Variants in RCAN2 observed in about 807,000 individuals in gnomAD.
RCAN2 encodes the protein calcipressin-2.
RCAN2 carries 9 observed loss-of-function variants against 23.6 expected under a neutral mutation model. The observed-to-expected ratio is 0.38, with a 90% CI of 0.23 to 0.67. The LOEUF (loss-of-function observed/expected upper bound fraction) is 0.67. Among genes scored for constraint, RCAN2 ranks in the 30% least tolerant of loss-of-function variants. RCAN2 has a pLI of 0.51. For synonymous variants in RCAN2, 109 were observed against 115.7 expected (o/e 0.94, Z 0.37); for missense variants, 273 against 302.3 (o/e 0.90, Z 0.72).
intron 2 of RCAN2, among the ~76,000 whole-genome samples, chr6:46,445,280 G>T (rs1365088784): frequency 6.6e-6 from 1 of 152,102 alleles, no homozygotes; most frequent in Non-Finnish European, 1.5e-5. Flanking sequence ...TATCCCAGTA[G>T]ATCCAGGCTC....
chr6:46,289,767 T>C (rs1451323531), intron 2 of RCAN2, among the ~76,000 whole-genome samples: 2 of 152,212 alleles, frequency 1.3e-5, no homozygotes, highest in Non-Finnish European at 2.9e-5. Flanking sequence ...ACACCCTGCA[T>C]CAATTCTTCC....
chr6:46,316,933 C>G (rs1763459613), intron 2 of RCAN2, among the ~76,000 whole-genome samples: 1 of 152,156 alleles, frequency 6.6e-6, no homozygotes, highest in Admixed American at 6.5e-5. Context: ...CAAGTTTTCC[C>G]ATTATGAGTT....
chr6:46,396,811 A>T (rs1447554997), intron 2 of RCAN2, among the ~76,000 whole-genome samples: 1 of 152,132 alleles, frequency 6.6e-6, no homozygotes, highest in East Asian at 1.9e-4. Context: ...TTGATATCCA[A>T]ATAGTAAATA....
intron 2 of RCAN2, among the ~76,000 whole-genome samples, chr6:46,296,097 GTGTGTGTC>G (rs1762722635): frequency 6.7e-6 from 1 of 150,022 alleles, no homozygotes; most frequent in African/African-American, 2.5e-5. Context: ...GTGTGTGTGT[GTGTGTGTC>G]TGTGTGTGTG....
At chr6:46,356,890 G>A (rs764583785) in intron 2 of RCAN2, among the ~76,000 whole-genome samples, 1 of 152,164 alleles carries the variant, frequency 6.6e-6, no homozygotes, top group Non-Finnish European at 1.5e-5. Context: ...AAGTTCCAAG[G>A]GGGCTAAAGG....
chr6:46,438,365 G>C (rs955721357), intron 2 of RCAN2: 1 of 152,358 alleles, frequency 6.6e-6, no homozygotes, highest in Admixed American at 6.5e-5. Context: ...AGGTGACCAA[G>C]AGCATAAGCC....
At chr6:46,443,265 G>T (rs1202497552) in intron 2 of RCAN2, among the ~76,000 whole-genome samples, 1 of 151,990 alleles carries the variant, frequency 6.6e-6, no homozygotes, top group East Asian at 1.9e-4. Context: ...CCACCCTCAA[G>T]TTCCTATAGT....
chr6:46,341,527 G>A (rs1469896085), intron 2 of RCAN2, among the ~76,000 whole-genome samples: 2 of 152,186 alleles, frequency 1.3e-5, no homozygotes, highest in South Asian at 2.1e-4. Context: ...GGCCGGGGGC[G>A]GTGGCTCCTG....
intron 4 of RCAN2, among the ~76,000 whole-genome samples, chr6:46,238,196 A>C (rs1339344799): frequency 2.0e-5 from 3 of 152,162 alleles, no homozygotes; most frequent in Non-Finnish European, 4.4e-5. Context: ...GAAGGCATAG[A>C]GGAGTGAGGA....
At chr6:46,405,085 A>C (rs1766359173) in intron 2 of RCAN2, among the ~76,000 whole-genome samples, 1 of 152,224 alleles carries the variant, frequency 6.6e-6, no homozygotes, top group African/African-American at 2.4e-5. Flanking sequence ...ACCGACTTCA[A>C]GAATGAAGCC....
chr6:46,374,978 C>T (rs1434359014), intron 2 of RCAN2, among the ~76,000 whole-genome samples: 2 of 152,164 alleles, frequency 1.3e-5, no homozygotes, highest in African/African-American at 2.4e-5. Flanking sequence ...ATGATCTCGG[C>T]TCACTGCAAC....
At chr6:46,391,621 ATCATGAACATGGC>A (rs1765941997) in intron 2 of RCAN2, among the ~76,000 whole-genome samples, 1 of 152,218 alleles carries the variant, frequency 6.6e-6, no homozygotes, top group Non-Finnish European at 1.5e-5. Flanking sequence ...AACTAGCAAT[ATCATGAACATGGC>A]TCTTATTCTA....
intron 2 of RCAN2, among the ~76,000 whole-genome samples, chr6:46,432,967 AT>A (rs1164855772): frequency 1.3e-5 from 2 of 152,160 alleles, no homozygotes; most frequent in Non-Finnish European, 2.9e-5. Flanking sequence ...CTTTAAGTAC[AT>A]TATTATTTTA....
At chr6:46,223,931 C>T (rs528448497) in intron 4 of RCAN2, among the ~76,000 whole-genome samples, 3 of 152,310 alleles carry the variant, frequency 2.0e-5, no homozygotes, top group African/African-American at 7.2e-5. Flanking sequence ...CTTTCTGTTG[C>T]TTCATTAGAT....
chr6:46,412,320 GT>G (rs982266932), intron 2 of RCAN2, among the ~76,000 whole-genome samples: 3 of 152,136 alleles, frequency 2.0e-5, no homozygotes, highest in African/African-American at 7.2e-5. Flanking sequence ...TCCTTATTAA[GT>G]TTGAGAAGAA....
intron 2 of RCAN2, among the ~76,000 whole-genome samples, chr6:46,369,091 T>A (rs1170238212): frequency 6.6e-6 from 1 of 152,140 alleles, no homozygotes; most frequent in African/African-American, 2.4e-5. Context: ...ACTATTGAAA[T>A]TTTTAGCTAA....
intron 1 of RCAN2, among the ~76,000 whole-genome samples, chr6:46,489,157 G>C (rs1769071042): frequency 6.6e-6 from 1 of 152,084 alleles, no homozygotes; most frequent in Non-Finnish European, 1.5e-5. Flanking sequence ...CTTCAGTGTG[G>C]AATACCCAGC....
chr6:46,297,341 A>G (rs925021432), intron 2 of RCAN2, among the ~76,000 whole-genome samples: 104 of 152,274 alleles, frequency 6.8e-4, no homozygotes, highest in African/African-American at 2.4e-3. Flanking sequence ...ATACTCTCAA[A>G]AAGCGAATAA....
At chr6:46,387,788 A>G (rs1222606805) in intron 2 of RCAN2, among the ~76,000 whole-genome samples, 8 of 152,230 alleles carry the variant, frequency 5.3e-5, no homozygotes, top group Non-Finnish European at 1.2e-4. Flanking sequence ...ATGCTGCTAT[A>G]AAGACATATG....
Sources: gnomAD v4.1 joint callset for allele counts (sites outside exome capture counted in the v4.1 genomes callset) on GRCh38, gnomAD v4.1.1 for gene constraint, MANE v1.5 for transcripts, NCBI Gene and HGNC (gene_info 2026-07-23, HGNC 2026-07-21) for gene names.